The following CCNT1 variants were observed in gnomAD, a reference collection of about 807,000 sequenced individuals.
CCNT1 encodes the protein cyclin T1, also known as cyclin-T1.
A neutral mutation model predicts 67.3 loss-of-function variants in CCNT1; 18 were observed. The ratio of observed to expected loss-of-function variants is 0.27; its 90% CI spans 0.18 to 0.40. The LOEUF is 0.40. CCNT1 is among the 10% of genes least tolerant of loss of function. The pLI is 1.00. For synonymous variants in CCNT1, 333 were observed against 310.3 expected, an observed-to-expected ratio of 1.07 and a Z score of -0.77; for missense variants, 744 against 884.9, an observed-to-expected ratio of 0.84 and a Z score of 2.02.
At position 48,705,749 on chromosome 12, in the gene CCNT1, T is replaced by C. The variant is rs746524638; in HGVS notation, c.372+19A>G. 8.2e-6 allele frequency: 13 copies of C among 1,592,118 alleles called. No homozygotes were observed. Among genetic ancestry groups the C allele is most frequent in the Non-Finnish European group, 1.1e-5 (13 of 1,170,468 alleles). On this transcript the variant is annotated intron_variant, in intron 3 of 8. Coordinates refer to ENST00000261900, the MANE Select transcript of CCNT1 (RefSeq NM_001240.4). The stretch of plus-strand genomic sequence containing the variant: ...AAGGAAAAAAATTAAGAAAAACAGA[T>C]GTGTAATTAATCTCCTACCTCACTT...
At chr12:48,705,546 T>TACAG in intron 3 of CCNT1, 1 of 500,074 alleles carries the variant, frequency 2.0e-6, no homozygotes, top group Non-Finnish European at 3.5e-6. Flanking sequence ...GTGCTAGGAT[T>TACAG]ACAGGTATGG....
intron 6 of CCNT1, among the ~76,000 whole-genome samples, chr12:48,697,534 A>AAAAAATAT (rs1288926072): frequency 2.3e-5 from 3 of 130,708 alleles, no homozygotes; most frequent in African/African-American, 9.1e-5. Flanking sequence ...AAAAAAAAAA[A>AAAAAATAT]ATATATATAT....
chr12:48,694,515 G>C, intron 8 of CCNT1, 79 bp from the exon 9 acceptor site: 2 of 1,298,242 alleles, frequency 1.5e-6, no homozygotes, highest in Non-Finnish European at 2.1e-6. Context: ...GATTGTACTT[G>C]CAGCAACACT....
At chr12:48,708,448 G>A (rs1940398723) in intron 2 of CCNT1, among the ~76,000 whole-genome samples, 1 of 151,900 alleles carries the variant, frequency 6.6e-6, no homozygotes, top group South Asian at 2.1e-4. Flanking sequence ...TTGGGAGGCT[G>A]AGGCAGGAGA....
In CCNT1 at chr12:48,693,610, A is replaced by G. The variant is rs759891367; in HGVS notation, c.1604T>C (p.Val535Ala). The change falls in exon 9 of 9, where the codon GTT becomes GCT. Residue 535 changes from valine (V) to alanine (A), a missense_variant. Transcript: ENST00000261900. ...ACCAGGACGTTTGTTCCCAGTACCA[A>G]CTGGAAGTTGGGAATGAGAGTGCTT... The part of the protein sequence containing the change: ...SHKHSHSQLP[V>A]GTGNKRPGDP... The G allele has an allele frequency of 8.1e-6, 13 of 1,614,052 alleles. No homozygotes were observed. The highest frequency in any genetic ancestry group is 1.0e-5 in the Non-Finnish European group (12 of 1,180,036).
Position 48,702,111 on chromosome 12 carries a change from G to A in CCNT1, c.373-1038C>T, listed in dbSNP as rs147663857. Among the ~76,000 whole-genome samples, 172 of 151,908 alleles carry A rather than the reference G, an allele frequency of 1.1e-3. 2 individuals carry two copies. In the East Asian group the frequency reaches 0.02, roughly 17 times the overall value. On this transcript the variant is annotated intron_variant, in intron 3 of 8. Coordinates refer to ENST00000261900, the MANE Select transcript of CCNT1 (RefSeq NM_001240.4). Reference sequence around the variant, plus strand: ...GGGGTTTCACCATATTGGCAAAGCTGGTCTTGAACCCCTGACCTCAGGTGA... The same window carrying A: ...GGGGTTTCACCATATTGGCAAAGCTAGTCTTGAACCCCTGACCTCAGGTGA...
rs571512363 is a variant in CCNT1, at chr12:48,692,627, G to A, written c.*406C>T. The stretch of plus-strand genomic sequence containing the variant: ...TATTAAGTCTATTAAAAGATTTGAC[G>A]TTTAAATACTTCCTCTCTTCTGATA... On this transcript the variant is annotated 3_prime_UTR_variant, in exon 9 of 9. Transcript: ENST00000261900. The A allele has an allele frequency of 5.0e-5, 8 of 161,134 alleles. No homozygotes were observed. Among genetic ancestry groups the A allele is most frequent in the South Asian group, 3.5e-4 (2 of 5,646 alleles). The allele number at this position is 161,134 out of a possible 1,614,324, so 10.0% of individuals were successfully genotyped here.
intron 5 of CCNT1, among the ~76,000 whole-genome samples, chr12:48,698,920 C>T (rs1163296588): frequency 3.3e-5 from 5 of 150,990 alleles, no homozygotes; most frequent in Non-Finnish European, 7.4e-5. Flanking sequence ...CGTGCTACTG[C>T]ACTCCACCCT....
intron 6 of CCNT1, 106 bp downstream of exon 6, chr12:48,698,032 G>T: frequency 1.6e-6 from 1 of 621,308 alleles, no homozygotes; most frequent in Non-Finnish European, 2.7e-6. Flanking sequence ...TGAAAACTGT[G>T]CAGAAAAATC....
Position 48,693,153 on chromosome 12 carries a change from A to T in CCNT1, c.2061T>A (p.Tyr687Ter). 1.2e-6 allele frequency: 2 copies of T among 1,614,190 alleles called. No homozygotes were observed. Among genetic ancestry groups the T allele is most frequent in the Non-Finnish European group, 1.7e-6 (2 of 1,180,024 alleles). The change falls in exon 9 of 9, where the codon TAT becomes TAA. Residue 687 changes from tyrosine to a stop codon, truncating the protein, a stop_gained. Transcript: ENST00000261900. LOFTEE classifies it high-confidence loss of function. ...QPTAFEFVRP[Y>*]SDYLNPRSGG... ...CAGACCGAGGATTCAGATAGTCACTATAAGGACGAACAAATTCAAATGCAG... is the reference window on the plus strand; with the variant it reads ...CAGACCGAGGATTCAGATAGTCACTTTAAGGACGAACAAATTCAAATGCAG...
rs201440153 is a variant in CCNT1 at position 48,694,371 on chromosome 12, C to G, written c.843G>C (p.Gln281His). 3 of 1,614,108 alleles carry G rather than the reference C, an allele frequency of 1.9e-6. No homozygotes were observed. Among genetic ancestry groups the G allele is most frequent in the African/African-American group, 2.7e-5 (2 of 74,944 alleles). Residue 281 changes from glutamine to histidine, a missense_variant, in exon 9 of 9, where the codon CAG (glutamine) becomes CAC (histidine). Gln to His is a conservative substitution (Grantham distance 24). This residue lies in a region of CCNT1 where 564 missense variants were observed against 574.2 expected (regional missense o/e 0.98). Coordinates refer to ENST00000261900, the MANE Select transcript of CCNT1 (RefSeq NM_001240.4). ...DRGTDEKTSE[Q>H]TILNMISQSS... The stretch of plus-strand genomic sequence containing the variant: ...TCTGGGAAATCATATTGAGGATTGT[C>G]TGCTCTGAAGTCTTTTCATCTGTTC...
chr12:48,695,329 A>G (rs1340105065), intron 8 of CCNT1, among the ~76,000 whole-genome samples: 5 of 151,868 alleles, frequency 3.3e-5, no homozygotes, highest in Non-Finnish European at 5.9e-5. Context: ...TTTGAAATAC[A>G]ACTTCAGACT....
intron 6 of CCNT1, among the ~76,000 whole-genome samples, chr12:48,696,951 GC>G (rs1334029237): frequency 2.6e-5 from 4 of 152,230 alleles, no homozygotes; most frequent in African/African-American, 9.6e-5. Flanking sequence ...TCGTGCCTCA[GC>G]CTCCCGAGTA....
At chr12:48,710,934 G>A (rs189077403) in intron 2 of CCNT1, among the ~76,000 whole-genome samples, 2 of 152,014 alleles carry the variant, frequency 1.3e-5, no homozygotes, top group African/African-American at 2.4e-5. Context: ...GGTGGCAGGC[G>A]CCTGTAATCC....
chr12:48,695,621 G>T, intron 8 of CCNT1, 138 bp downstream of exon 8: 1 of 630,294 alleles, frequency 1.6e-6, no homozygotes. Flanking sequence ...TCCAAGGTAT[G>T]AAGTAGAAGT....
chr12:48,701,642 T>C (rs1940271377), intron 3 of CCNT1, among the ~76,000 whole-genome samples: 1 of 151,618 alleles, frequency 6.6e-6, no homozygotes, highest in Non-Finnish European at 1.5e-5. Flanking sequence ...AGTTTCGCTC[T>C]TGTTGCCCAG....
rs1183544178 is a variant in CCNT1 at position 48,690,098 on chromosome 12, T to C, written c.*2935A>G. 1 of 152,250 alleles carries C rather than the reference T, an allele frequency of 6.6e-6. No individual in the cohort carries two copies. Among genetic ancestry groups the C allele is most frequent in the Non-Finnish European group, 1.5e-5 (1 of 68,058 alleles). The allele number at this position is 152,250 out of a possible 1,614,324, so 9.4% of individuals were successfully genotyped here. A position where few individuals can be genotyped will look rare whatever the true frequency, so the allele number is the denominator to read the frequency against. ...TTTCTAAACTCAAAAGCATAACTGA[T>C]ACTTCAGAAGACCGATTTGGATCGA... On this transcript the variant is annotated 3_prime_UTR_variant, in exon 9 of 9. Transcript: ENST00000261900.
chr12:48,705,668 G>T, intron 3 of CCNT1, 100 bp downstream of exon 3: 1 of 880,130 alleles, frequency 1.1e-6, no homozygotes, highest in Non-Finnish European at 1.8e-6. Flanking sequence ...ATAAAATTAA[G>T]TTGCATTGAA....
Position 48,693,005 on chromosome 12 carries a change from G to GTT in CCNT1, c.*26_*27dup. The GTT allele has an allele frequency of 2.1e-6, 3 of 1,406,092 alleles. No individual in the cohort carries two copies. Among genetic ancestry groups the GTT allele is most frequent in the Non-Finnish European group, 2.9e-6 (3 of 1,044,280 alleles). 87.1% of individuals were successfully genotyped at this position (1,406,092 alleles called of 1,614,324 possible). On this transcript the variant is annotated 3_prime_UTR_variant, in exon 9 of 9. Coordinates refer to ENST00000261900, the MANE Select transcript of CCNT1 (RefSeq NM_001240.4). Reference sequence around the variant, plus strand: ...AAAAATTATGTGTTTTTTTAAAGAAGTTTTTTTCTCCTCTTCTTTTTCTTT... The same window carrying GTT: ...AAAAATTATGTGTTTTTTTAAAGAAGTTTTTTTTTCTCCTCTTCTTTTTCTTT...
Sources: allele counts gnomAD v4.1 joint callset (sites outside exome capture counted in the v4.1 genomes callset), GRCh38; gene constraint gnomAD v4.1.1; regional missense constraint gnomAD v4.1.1; transcripts MANE v1.5; gene names NCBI Gene and HGNC (gene_info 2026-07-23, HGNC 2026-07-21).